The following RAPGEF5 variants were observed in gnomAD, a reference collection of about 807,000 sequenced individuals.
The protein encoded by RAPGEF5 is M-Ras-regulated GEF.
Under a neutral mutation model 125.2 loss-of-function variants are expected in RAPGEF5, and 65 were observed. The observed-to-expected ratio is 0.52, with a 90% CI of 0.43 to 0.64. The LOEUF is 0.64. RAPGEF5 is among the 30% of genes least tolerant of loss of function. The pLI, the probability that RAPGEF5 is intolerant of heterozygous loss-of-function variation, is 0.00. For missense variants in RAPGEF5, 958 were observed against 1,048.1 expected (o/e 0.91, Z 1.19); for synonymous variants, 391 against 385.9 (o/e 1.01, Z -0.16).
At chr7:22,347,183 A>G (rs1486696178) in intron 1 of RAPGEF5, among the ~76,000 whole-genome samples, 1 of 152,108 alleles carries the variant, frequency 6.6e-6, no homozygotes. Context: ...ACATTACTCT[A>G]AGGCTATTAA....
At chr7:22,349,422 CAA>C (rs34428356) in intron 1 of RAPGEF5, among the ~76,000 whole-genome samples, 25 of 74,968 alleles carry the variant, frequency 3.3e-4, no homozygotes, top group Admixed American at 5.9e-4. Context: ...AGACTCCATC[CAA>C]AAAAAAAAAA....
chr7:22,157,792 G>C (rs1388972153), intron 15 of RAPGEF5, 63 bp downstream of exon 15: 2 of 1,518,344 alleles, frequency 1.3e-6, no homozygotes, highest in Non-Finnish European at 1.8e-6. Flanking sequence ...AACACGCCAA[G>C]GGAGGCAAGG....
At chr7:22,300,900 T>C (rs1456295318) in intron 5 of RAPGEF5, among the ~76,000 whole-genome samples, 2 of 152,236 alleles carry the variant, frequency 1.3e-5, no homozygotes, top group Non-Finnish European at 2.9e-5. Flanking sequence ...CCCATTTTCC[T>C]GATTCTTCTT....
At chr7:22,157,038 C>T (rs903611853) in intron 15 of RAPGEF5, 150 bp from the exon 16 acceptor site, 32 of 1,355,894 alleles carry the variant, frequency 2.4e-5, no homozygotes, top group Non-Finnish European at 2.9e-5. Flanking sequence ...AACTGGGAGT[C>T]GCCTCAACTA....
chr7:22,321,905 G>GC (rs1783721187), intron 1 of RAPGEF5, among the ~76,000 whole-genome samples: 1 of 152,126 alleles, frequency 6.6e-6, no homozygotes, highest in African/African-American at 2.4e-5. Flanking sequence ...CCCTTCTTCA[G>GC]CCCCCAAATA....
At chr7:22,217,535 T>C (rs569930876) in intron 9 of RAPGEF5, among the ~76,000 whole-genome samples, 1 of 152,342 alleles carries the variant, frequency 6.6e-6, no homozygotes, top group South Asian at 2.1e-4. Flanking sequence ...AACCATCTAG[T>C]ACCAAATAAT....
chr7:22,194,097 G>T, intron 9 of RAPGEF5, 64 bp from the exon 10 acceptor site: 1 of 1,397,906 alleles, frequency 7.2e-7, no homozygotes, highest in East Asian at 2.3e-5. Flanking sequence ...TAAAAGTGGG[G>T]GGAAAATGGA....
chr7:22,141,858 G>C (rs1344189077), intron 20 of RAPGEF5, among the ~76,000 whole-genome samples: 1 of 152,138 alleles, frequency 6.6e-6, no homozygotes, highest in Non-Finnish European at 1.5e-5. Flanking sequence ...ACCCCACTTG[G>C]TATATTCCAT....
intron 7 of RAPGEF5, among the ~76,000 whole-genome samples, chr7:22,262,256 G>C (rs1055042512): frequency 6.6e-6 from 1 of 151,730 alleles, no homozygotes; most frequent in African/African-American, 2.4e-5. Context: ...TGGGCAAAAG[G>C]CATCAACAAA....
intron 24 of RAPGEF5, among the ~76,000 whole-genome samples, chr7:22,125,962 A>G (rs1280409594): frequency 1.3e-5 from 2 of 152,192 alleles, no homozygotes; most frequent in African/African-American, 2.4e-5. Flanking sequence ...AGCCTGGCCA[A>G]TATGGCGAAA....
chr7:22,159,943 T>C (rs930786678), intron 14 of RAPGEF5, among the ~76,000 whole-genome samples: 1 of 152,068 alleles, frequency 6.6e-6, no homozygotes, highest in Admixed American at 6.6e-5. Flanking sequence ...ATCCCATCTC[T>C]ACCAAAAATA....
intron 24 of RAPGEF5, among the ~76,000 whole-genome samples, chr7:22,126,053 G>A (rs2128097738): frequency 6.6e-6 from 1 of 152,310 alleles, no homozygotes; most frequent in African/African-American, 2.4e-5. Flanking sequence ...GGGAGGCTGA[G>A]ACAGGAGAAT....
intron 11 of RAPGEF5, among the ~76,000 whole-genome samples, chr7:22,171,305 A>C (rs1376184542): frequency 3.3e-5 from 5 of 152,222 alleles, no homozygotes; most frequent in Non-Finnish European, 5.9e-5. Context: ...ACTACATAGT[A>C]CTTAATAATA....
chr7:22,226,075 ATT>A (rs1364628417), intron 8 of RAPGEF5, among the ~76,000 whole-genome samples: 4 of 152,270 alleles, frequency 2.6e-5, no homozygotes, highest in South Asian at 4.1e-4. Context: ...GTATTAAAAC[ATT>A]CTCTGCATTA....
chr7:22,331,463 G>A (rs1583583980), intron 1 of RAPGEF5, among the ~76,000 whole-genome samples: 1 of 152,122 alleles, frequency 6.6e-6, no homozygotes, highest in South Asian at 2.1e-4. Flanking sequence ...TACAGGAGGT[G>A]GGCCAAGCAC....
intron 9 of RAPGEF5, chr7:22,194,815 C>T (rs1169970784): frequency 5.2e-6 from 5 of 958,126 alleles, no homozygotes; most frequent in South Asian, 4.8e-5. Flanking sequence ...GAGTGTGGCC[C>T]GCTGACGTGG....
intron 9 of RAPGEF5, among the ~76,000 whole-genome samples, chr7:22,214,778 G>A (rs1050521138): frequency 2.0e-5 from 3 of 150,492 alleles, no homozygotes; most frequent in Non-Finnish European, 4.4e-5. Flanking sequence ...GGACTGCTGT[G>A]GTTCCGGTTA....
chr7:22,233,085 G>A lies in RAPGEF5; in HGVS notation c.797-2166C>T, dbSNP rs193268235. On this transcript the variant is annotated intron_variant, in intron 7 of 25. Transcript: ENST00000665637. ...AACTTAAGAACAAAGAAAAACATGCGTGTTTTCTCTGAAAAACTAGAGGCA... is the reference window on the plus strand; with the variant it reads ...AACTTAAGAACAAAGAAAAACATGCATGTTTTCTCTGAAAAACTAGAGGCA... 2.8e-3 allele frequency among the ~76,000 whole-genome samples: 432 copies of A among 152,126 alleles called. 3 individuals carry two copies. Among genetic ancestry groups the A allele is most frequent in the Non-Finnish European group, 4.3e-3 (289 of 67,994 alleles).
chr7:22,252,132 A>G lies in RAPGEF5; in HGVS notation c.796+14832T>C, dbSNP rs372088556. Among the ~76,000 whole-genome samples, 124 of 152,292 alleles carry G rather than the reference A, an allele frequency of 8.1e-4. 3 individuals are homozygous for G. The South Asian group carries it at 0.025, about 31-fold the overall frequency. ...CGCCTTACACCCACCTCTCTGCTCA[A>G]TGTCTCAGGAAACTGTTTCTCCAGG... On this transcript the variant is annotated intron_variant, in intron 7 of 25. Coordinates refer to ENST00000665637, the MANE Select transcript of RAPGEF5 (RefSeq NM_012294.5).
Sources: gnomAD v4.1 joint callset for allele counts (sites outside exome capture counted in the v4.1 genomes callset) on GRCh38, gnomAD v4.1.1 for gene constraint, MANE v1.5 for transcripts, NCBI Gene and HGNC (gene_info 2026-07-23, HGNC 2026-07-21) for gene names.